WHRN: variants seen among roughly 807,000 people sequenced by gnomAD.
WHRN encodes the protein CASK-interacting protein CIP98.
WHRN carries 41 observed loss-of-function variants against 68.3 expected under a neutral mutation model. That is an observed-to-expected ratio of 0.60 (90% CI 0.47 to 0.78). The LOEUF (loss-of-function observed/expected upper bound fraction) is 0.78, where lower values mean the gene tolerates loss of function less well. WHRN is among the 30% of genes least tolerant of loss of function. WHRN has a pLI of 0.00. For synonymous variants in WHRN, 560 were observed against 561.3 expected, an observed-to-expected ratio of 1.00 and a Z score of 0.03; for missense variants, 1,243 against 1,244.7, an observed-to-expected ratio of 1.00 and a Z score of 0.02.
chr9:114,415,258 A>G (rs532329297), intron 7 of WHRN, among the ~76,000 whole-genome samples: 2 of 148,710 alleles, frequency 1.3e-5, no homozygotes, highest in South Asian at 2.2e-4. Context: ...CTACCCCAAC[A>G]GAGACCCTAT....
chr9:114,497,029 G>A (rs1165920864), intron 1 of WHRN, among the ~76,000 whole-genome samples: 10 of 152,228 alleles, frequency 6.6e-5, no homozygotes, highest in Admixed American at 6.5e-4. Context: ...TTAAGGCCTG[G>A]CTGGGGAGTT....
chr9:114,415,068 G>C (rs561017932), intron 7 of WHRN, among the ~76,000 whole-genome samples: 2 of 152,216 alleles, frequency 1.3e-5, no homozygotes, highest in South Asian at 4.1e-4. Flanking sequence ...AGGCCAAGGC[G>C]GGAGGATCCC....
chr9:114,423,381 A>G lies in WHRN; in HGVS notation c.1559T>C (p.Val520Ala). 1 of 1,613,752 alleles carries G rather than the reference A, an allele frequency of 6.2e-7. No individual in the cohort carries two copies. Among genetic ancestry groups the G allele is most frequent in the East Asian group, 2.2e-5 (1 of 44,846 alleles). ...GPGAGDTYSM[V>A]SYSDTGSSTG... Reference sequence around the variant, plus strand: ...GGATGAACCCGTGTCACTGTAGGAGACCATGGAGTAGGTGTCCCCAGCCCC... The same window carrying G: ...GGATGAACCCGTGTCACTGTAGGAGGCCATGGAGTAGGTGTCCCCAGCCCC... The change falls in exon 7 of 12, where the codon GTC (valine) becomes GCC (alanine). Residue 520 changes from valine to alanine, a missense_variant. Transcript: ENST00000362057.
At chr9:114,468,038 T>C (rs1366435588) in intron 2 of WHRN, among the ~76,000 whole-genome samples, 2 of 152,186 alleles carry the variant, frequency 1.3e-5, no homozygotes, top group East Asian at 3.9e-4. Flanking sequence ...TTCAACCACC[T>C]TGGGCAGAGG....
intron 2 of WHRN, among the ~76,000 whole-genome samples, chr9:114,467,521 G>T (rs1229736050): frequency 6.6e-6 from 1 of 151,666 alleles, no homozygotes; most frequent in Non-Finnish European, 1.5e-5. Flanking sequence ...CCGGCGGGGG[G>T]GAAGGGAAAA....
intron 7 of WHRN, among the ~76,000 whole-genome samples, chr9:114,412,427 T>C (rs1471601846): frequency 1.3e-5 from 2 of 152,274 alleles, no homozygotes; most frequent in African/African-American, 4.8e-5. Flanking sequence ...GGCATAGACC[T>C]GGCGGCTCCA....
At chr9:114,407,805 TG>T in intron 8 of WHRN, 141 bp downstream of exon 8, 1 of 718,360 alleles carries the variant, frequency 1.4e-6, no homozygotes. Flanking sequence ...GACCTGTAGC[TG>T]GGTGTGAGAG....
intron 3 of WHRN, among the ~76,000 whole-genome samples, chr9:114,453,001 A>G (rs1750378052): frequency 6.6e-6 from 1 of 152,170 alleles, no homozygotes; most frequent in Non-Finnish European, 1.5e-5. Context: ...CAGACTCTCC[A>G]CACCTGCTTC....
intron 9 of WHRN, among the ~76,000 whole-genome samples, chr9:114,405,280 C>T (rs954797538): frequency 1.3e-5 from 2 of 151,974 alleles, no homozygotes; most frequent in African/African-American, 4.8e-5. Flanking sequence ...AGCAAGTTGC[C>T]CAGGCTCCTG....
chr9:114,419,910 A>G (rs1234061347), intron 7 of WHRN, among the ~76,000 whole-genome samples: 8 of 152,144 alleles, frequency 5.3e-5, no homozygotes, highest in Non-Finnish European at 1.2e-4. Context: ...GTCAGCACCA[A>G]TAAGAACCCC....
intron 3 of WHRN, among the ~76,000 whole-genome samples, chr9:114,429,066 G>C (rs1255483496): frequency 6.6e-6 from 1 of 152,112 alleles, no homozygotes; most frequent in Admixed American, 6.5e-5. Context: ...GAGTAGCTGG[G>C]ACTACAGGTG....
chr9:114,433,214 A>G (rs1402956292), intron 3 of WHRN, among the ~76,000 whole-genome samples: 1 of 152,198 alleles, frequency 6.6e-6, no homozygotes, highest in Admixed American at 6.5e-5. Context: ...TAGGTGCTGT[A>G]TTCGTGCCCG....
chr9:114,409,999 G>A (rs568070400), intron 7 of WHRN, among the ~76,000 whole-genome samples: 1 of 152,106 alleles, frequency 6.6e-6, no homozygotes, highest in African/African-American at 2.4e-5. Context: ...CTACATGACC[G>A]GGCCCTTTCC....
Position 114,402,607 on chromosome 9 carries a change from G to A in WHRN, c.*147C>T. 7.0e-6 allele frequency: 7 copies of A among 998,984 alleles called. No individual in the cohort carries two copies. The South Asian group carries it at 9.2e-5, about 13-fold the overall frequency. The allele number at this position is 998,984 out of a possible 1,614,324, so 61.9% of individuals were successfully genotyped here. A position where few individuals can be genotyped will look rare whatever the true frequency, so the allele number is the denominator to read the frequency against. ...CTGCTCTCTTCCTCTCCCAGTTCTG[G>A]TCCAGTGGGCTGGGATGGAGGGGGG... On this transcript the variant is annotated 3_prime_UTR_variant, in exon 12 of 12. Coordinates refer to ENST00000362057, the MANE Select transcript of WHRN (RefSeq NM_015404.4).
intron 6 of WHRN, among the ~76,000 whole-genome samples, 199 bp from the exon 7 acceptor site, chr9:114,423,722 C>A (rs1159614420): frequency 6.6e-6 from 1 of 152,190 alleles, no homozygotes; most frequent in Non-Finnish European, 1.5e-5. Flanking sequence ...ACTCCTGCTT[C>A]CCTGTCATCT....
intron 7 of WHRN, among the ~76,000 whole-genome samples, chr9:114,414,059 T>C (rs1835643395): frequency 6.6e-6 from 1 of 152,200 alleles, no homozygotes; most frequent in Non-Finnish European, 1.5e-5. Context: ...ACCCGAGAAC[T>C]TGGCTGGGGG....
At chr9:114,408,071 C>A (rs1465739337) in intron 7 of WHRN, 53 bp from the exon 8 acceptor site, 2 of 1,469,490 alleles carry the variant, frequency 1.4e-6, no homozygotes, top group East Asian at 2.4e-5. Flanking sequence ...GAAGGGAACA[C>A]TGGTTTGTTC....
Position 114,468,288 on chromosome 9 carries a change from T to G in WHRN, c.838-1896A>C, listed in dbSNP as rs533862276. Reference sequence around the variant, plus strand: ...AAGTATGAGCTACTGTTGGTTCTGTTGCACACATGACAAGTCTTGTTGGGA... The same window carrying G: ...AAGTATGAGCTACTGTTGGTTCTGTGGCACACATGACAAGTCTTGTTGGGA... On this transcript the variant is annotated intron_variant, in intron 2 of 11. Coordinates refer to ENST00000362057, the MANE Select transcript of WHRN (RefSeq NM_015404.4). Among the ~76,000 whole-genome samples the G allele has an allele frequency of 1.1e-3, 161 of 152,316 alleles. 6 individuals carry two copies. In the South Asian group the frequency reaches 0.032, roughly 30 times the overall value.
At chr9:114,427,208 T>A (rs1836957343) in intron 3 of WHRN, among the ~76,000 whole-genome samples, 1 of 152,200 alleles carries the variant, frequency 6.6e-6, no homozygotes, top group Non-Finnish European at 1.5e-5. Context: ...CTGTGAACTG[T>A]GATTGCACCA....
Sources: gnomAD v4.1 joint callset for allele counts (sites outside exome capture counted in the v4.1 genomes callset) on GRCh38, gnomAD v4.1.1 for gene constraint, MANE v1.5 for transcripts, NCBI Gene and HGNC (gene_info 2026-07-23, HGNC 2026-07-21) for gene names.